The following CEP295 variants were observed in gnomAD, a reference collection of about 807,000 sequenced individuals.
CEP295 encodes centrosomal protein of 295 kDa.
A neutral mutation model predicts 291.6 loss-of-function variants in CEP295; 190 were observed. The ratio of observed to expected loss-of-function variants is 0.65; its 90% CI spans 0.58 to 0.73. The LOEUF (loss-of-function observed/expected upper bound fraction) is 0.73. Ranked by LOEUF, CEP295 falls within the 30% of genes least tolerant of loss-of-function variation. The pLI is 0.00. For missense variants in CEP295, 2,863 were observed against 2,949.4 expected (o/e 0.97, Z 0.68); for synonymous variants, 993 against 1,038.8 (o/e 0.96, Z 0.85).
intron 22 of CEP295, 73 bp from the exon 23 acceptor site, chr11:93,725,578 G>A (rs1954080474): frequency 4.9e-6 from 6 of 1,229,688 alleles, no homozygotes; most frequent in Non-Finnish European, 6.6e-6. Context: ...AATACCAAAG[G>A]AACACAATGA....
At chr11:93,710,870 TTTC>T (rs1252145292) in intron 18 of CEP295, among the ~76,000 whole-genome samples, 1 of 152,204 alleles carries the variant, frequency 6.6e-6, no homozygotes, top group African/African-American at 2.4e-5. Flanking sequence ...AATTTATTCA[TTTC>T]TTCTAGTTTT....
At position 93,699,409 on chromosome 11, in the gene CEP295, G is replaced by T. The variant is rs770481984; in HGVS notation, c.4497G>T (p.Gln1499His). Residue 1499 changes from glutamine (Q) to histidine (H), a missense_variant, in exon 15 of 30, where the codon CAG (glutamine) becomes CAT (histidine). Physicochemically the swap from Gln to His is conservative, Grantham distance 24 (BLOSUM62 0). Transcript: ENST00000325212. ...EEKVSSEHFI[Q>H]SHHGDLQALQ... ...AGGTATCTTCTGAGCATTTTATCCA[G>T]TCTCACCATGGTGATTTGCAGGCAC... The T allele has an allele frequency of 6.4e-7, 1 of 1,551,732 alleles. No homozygotes were observed. Among genetic ancestry groups the T allele is most frequent in the South Asian group, 1.2e-5 (1 of 84,054 alleles).
Position 93,702,635 on chromosome 11 carries a change from G to GT in CEP295, c.5451dup (p.Gly1818TrpfsTer2), listed in dbSNP as rs1952240984. 1 of 1,542,460 alleles carries GT rather than the reference G, an allele frequency of 6.5e-7. No homozygotes were observed. The highest frequency in any genetic ancestry group is 1.2e-5 in the South Asian group (1 of 81,950). On this transcript the variant is annotated frameshift_variant and splice_region_variant, in exon 16 of 30. Coordinates refer to ENST00000325212, the MANE Select transcript of CEP295 (RefSeq NM_033395.2). LOFTEE classifies it high-confidence loss of function. ...TCAGAAGATACTAGTGCCAAGCAAA[G>GT]TGGTAAGATAATTGTGTTTGATTGT...
At chr11:93,686,377 G>C (rs1294561224) in intron 9 of CEP295, among the ~76,000 whole-genome samples, 1 of 152,052 alleles carries the variant, frequency 6.6e-6, no homozygotes, top group African/African-American at 2.4e-5. Flanking sequence ...TTTTCATTGG[G>C]AGTATCAATA....
chr11:93,725,584 AATG>A, intron 22 of CEP295, 64 bp from the exon 23 acceptor site: 1 of 1,281,436 alleles, frequency 7.8e-7, no homozygotes, highest in South Asian at 1.6e-5. Flanking sequence ...AAAGGAACAC[AATG>A]ATTATTGTTT....
At chr11:93,691,656 A>G (rs1309004861) in intron 10 of CEP295, 27 bp from the exon 11 acceptor site, 3 of 1,379,358 alleles carry the variant, frequency 2.2e-6, no homozygotes, top group Non-Finnish European at 3.0e-6. Flanking sequence ...TATATATTCA[A>G]AATAACAGTG....
Position 93,729,633 on chromosome 11 carries a change from A to T in CEP295, c.7419A>T (p.Thr2473=). 6.4e-7 allele frequency: 1 copy of T among 1,550,878 alleles called. No homozygotes were observed. Among genetic ancestry groups the T allele is most frequent in the African/African-American group, 1.4e-5 (1 of 73,016 alleles). ...CAGCAGAAACCCCTCGCAGGCTTAC[A>T]CCTGTACCAGGGAGCTTACAAGAAG... ...TASTETPRRL[T]PVPGSLQEAF... The change falls in exon 27 of 30, where the codon ACA becomes ACT. Residue 2473 remains threonine (T), a synonymous_variant. Coordinates refer to ENST00000325212, the MANE Select transcript of CEP295 (RefSeq NM_033395.2).
intron 5 of CEP295, among the ~76,000 whole-genome samples, chr11:93,671,079 C>G (rs1387154404): frequency 6.6e-6 from 1 of 152,106 alleles, no homozygotes; most frequent in Non-Finnish European, 1.5e-5. Context: ...GACGGGGTTT[C>G]ACCATGTTGG....
intron 10 of CEP295, among the ~76,000 whole-genome samples, chr11:93,690,109 A>G (rs1018225037): frequency 3.3e-5 from 5 of 152,188 alleles, no homozygotes; most frequent in Non-Finnish European, 7.3e-5. Context: ...TCCGTGACCA[A>G]GTTCTTTTGA....
chr11:93,711,789 G>C (rs553069650), intron 18 of CEP295, among the ~76,000 whole-genome samples: 1 of 151,472 alleles, frequency 6.6e-6, no homozygotes, highest in East Asian at 1.9e-4. Flanking sequence ...GGGATTACAG[G>C]CTTGAGCCAC....
rs1167647937 is a variant in CEP295 at position 93,690,725 on chromosome 11, G to A, written c.1337-958G>A. The stretch of plus-strand genomic sequence containing the variant: ...AGCCTGGGCGACAAAATGAGACTCC[G>A]TCTCAAAAAAAAAAAAAAAAAAAAA... On this transcript the variant is annotated intron_variant, in intron 10 of 29. Transcript: ENST00000325212. Among the ~76,000 whole-genome samples, 14 of 49,918 alleles carry A rather than the reference G, an allele frequency of 2.8e-4. No individual in the cohort carries two copies. The Admixed American group carries it at 4.1e-3, about 15-fold the overall frequency. 32.7% of individuals were successfully genotyped at this position (49,918 alleles called of 152,430 possible). A position where few individuals can be genotyped will look rare whatever the true frequency, so the allele number is the denominator to read the frequency against.
rs2135345190 is a variant in CEP295 at position 93,725,757 on chromosome 11, G to A, written c.6425G>A (p.Ser2142Asn). ...AGCATGCATTCTTCTCTTAACACAAGTCCGAATCAACAACCTGACACTAAC... is the reference window on the plus strand; with the variant it reads ...AGCATGCATTCTTCTCTTAACACAAATCCGAATCAACAACCTGACACTAAC... The part of the protein sequence containing the change: ...RTSMHSSLNT[S>N]PNQQPDTNLA... The change falls in exon 23 of 30, where the codon AGT becomes AAT. Residue 2142 changes from serine (S) to asparagine (N), a missense_variant. Transcript: ENST00000325212. 1 of 1,551,722 alleles carries A rather than the reference G, an allele frequency of 6.4e-7. No homozygotes were observed. The highest frequency in any genetic ancestry group is 1.2e-5 in the South Asian group (1 of 84,054).
chr11:93,726,586 T>C (rs1182938316), intron 23 of CEP295: 1 of 155,808 alleles, frequency 6.4e-6, no homozygotes, highest in Non-Finnish European at 1.4e-5. Context: ...TTGGTACAAA[T>C]GATTATATAT....
intron 1 of CEP295, among the ~76,000 whole-genome samples, chr11:93,663,709 A>G (rs1482132401): frequency 1.3e-5 from 2 of 152,228 alleles, no homozygotes; most frequent in East Asian, 3.8e-4. Flanking sequence ...AAAATTATAC[A>G]CAAGAAGAAA....
In CEP295 at chr11:93,693,585, A is replaced by C. The variant is rs58787275; in HGVS notation, c.1533+1555A>C. ...AGCCTGGCCAACATGGTGAAATCCC[A>C]TCTCTACTAAAAATACAAAAAGTAT... On this transcript the variant is annotated intron_variant, in intron 12 of 29. Transcript: ENST00000325212. Among the ~76,000 whole-genome samples the C allele has an allele frequency of 3.2e-4, 48 of 152,144 alleles. No homozygotes were observed. In the East Asian group the frequency reaches 4.1e-3, roughly 13 times the overall value.
intron 22 of CEP295, among the ~76,000 whole-genome samples, chr11:93,724,985 T>C (rs1249116209): frequency 1.3e-5 from 2 of 152,098 alleles, no homozygotes; most frequent in African/African-American, 4.8e-5. Flanking sequence ...CCGGGTGCGG[T>C]GGCTCATGCC....
Position 93,699,133 on chromosome 11 carries a change from A to G in CEP295, c.4221A>G (p.Ser1407=). 1 of 1,550,930 alleles carries G rather than the reference A, an allele frequency of 6.4e-7. No homozygotes were observed. The highest frequency in any genetic ancestry group is 1.4e-5 in the African/African-American group (1 of 73,172). ...LPLVPQHSFA[S]LPLNESERNQ... ...TAGTACCACAGCATTCATTCGCCTC[A>G]TTACCTCTTAATGAATCTGAAAGAA... Residue 1407 remains serine, a synonymous_variant, in exon 15 of 30, where the codon TCA becomes TCG. Coordinates refer to ENST00000325212, the MANE Select transcript of CEP295 (RefSeq NM_033395.2).
chr11:93,728,598 A>T, intron 24 of CEP295, 83 bp from the exon 25 acceptor site: 1 of 1,260,110 alleles, frequency 7.9e-7, no homozygotes, highest in Non-Finnish European at 1.0e-6. Context: ...CACTTGCAAA[A>T]AATGTGCATT....
chr11:93,709,501 T>C (rs1952750685), intron 18 of CEP295, among the ~76,000 whole-genome samples: 1 of 152,226 alleles, frequency 6.6e-6, no homozygotes, highest in South Asian at 2.1e-4. Context: ...TCCATTGATC[T>C]GTGTGTGTCT....
Sources: allele counts gnomAD v4.1 joint callset (sites outside exome capture counted in the v4.1 genomes callset), GRCh38; gene constraint gnomAD v4.1.1; transcripts MANE v1.5; gene names NCBI Gene and HGNC (gene_info 2026-07-23, HGNC 2026-07-21).